Variants in TBC1D31 observed in about 807,000 individuals in gnomAD.
The protein encoded by TBC1D31 is WD repeat domain 67.
A neutral mutation model predicts 132.9 loss-of-function variants in TBC1D31; 99 were observed. The observed-to-expected ratio is 0.74, with a 90% CI of 0.63 to 0.88. The LOEUF (loss-of-function observed/expected upper bound fraction) is 0.88, where lower values mean the gene tolerates loss of function less well. Ranked by LOEUF, TBC1D31 falls within the 40% of genes least tolerant of loss-of-function variation. The pLI is 0.00. For missense variants in TBC1D31, 1,134 were observed against 1,256.6 expected (o/e 0.90, Z 1.48); for synonymous variants, 385 against 419.4 (o/e 0.92, Z 1.00).
At chr8:123,132,259 C>T (rs1445862968) in intron 16 of TBC1D31, among the ~76,000 whole-genome samples, 2 of 152,008 alleles carry the variant, frequency 1.3e-5, no homozygotes, top group Admixed American at 6.6e-5. Flanking sequence ...TTTATCATTC[C>T]AAGTAGACTC....
At position 123,126,556 on chromosome 8, in the gene TBC1D31, A is replaced by G. The variant is rs752813557; in HGVS notation, c.1753A>G (p.Arg585Gly). Residue 585 changes from arginine to glycine, a missense_variant, in exon 13 of 22, where the codon AGA becomes GGA. Coordinates refer to ENST00000287380, the MANE Select transcript of TBC1D31 (RefSeq NM_145647.4). ...AACTGTGTTCTCAGAAGTGCTGACAAGAGAGGAGTGGCTGAAATTGTTCGA... is the reference window on the plus strand; with the variant it reads ...AACTGTGTTCTCAGAAGTGCTGACAGGAGAGGAGTGGCTGAAATTGTTCGA... ...LETVFSEVLT[R>G]EEWLKLFDNI... 5.6e-6 allele frequency: 9 copies of G among 1,614,006 alleles called. No homozygotes were observed. In the Admixed American group the frequency reaches 1.5e-4, roughly 27 times the overall value.
chr8:123,105,090 A>G (rs1817796575), intron 7 of TBC1D31, among the ~76,000 whole-genome samples, 198 bp from the exon 8 acceptor site: 1 of 152,192 alleles, frequency 6.6e-6, no homozygotes, highest in African/African-American at 2.4e-5. Flanking sequence ...TATGTTCTTC[A>G]AAAGGATTCA....
At chr8:123,157,494 A>G in the TBC1D31 span, among the ~76,000 whole-genome samples, 4 of 152,128 alleles carry the variant, frequency 2.6e-5, no homozygotes, top group Non-Finnish European at 5.9e-5. Context: ...CTCACTGGGT[A>G]GCGACGACAC....
Position 123,093,674 on chromosome 8 carries a change from T to A in TBC1D31, c.603T>A (p.Phe201Leu). 1 of 1,611,774 alleles carries A rather than the reference T, an allele frequency of 6.2e-7. No individual in the cohort carries two copies. The highest frequency in any genetic ancestry group is 8.5e-7 in the Non-Finnish European group (1 of 1,178,352). Residue 201 changes from phenylalanine (F) to leucine (L), a missense_variant, in exon 5 of 22, where the codon TTT becomes TTA. Physicochemically the swap from Phe to Leu is conservative, Grantham distance 22. Coordinates refer to ENST00000287380, the MANE Select transcript of TBC1D31 (RefSeq NM_145647.4). The stretch of plus-strand genomic sequence containing the variant: ...TTGCCTGGGAATGTGACACACTTTT[T>A]TGCAAATATCAATTGCCAGCTCCAC... Reference protein sequence around the residue: ...SIFAWECDTLFCKYQLPAPPE... With the variant: ...SIFAWECDTLLCKYQLPAPPE...
At position 123,129,121 on chromosome 8, in the gene TBC1D31, G is replaced by T. The variant is rs764761864; in HGVS notation, c.2173G>T (p.Ala725Ser). 6.2e-7 allele frequency: 1 copy of T among 1,610,144 alleles called. No individual in the cohort carries two copies. Among genetic ancestry groups the T allele is most frequent in the Non-Finnish European group, 8.5e-7 (1 of 1,177,286 alleles). Residue 725 changes from alanine to serine, a missense_variant, in exon 15 of 22, where the codon GCT becomes TCT. Transcript: ENST00000287380. ...KVDQQRVEDE[A>S]WYQKQELLRK... ...CGACCAGCAAAGAGTTGAAGATGAA[G>T]CTTGGTACCAGAAACAGGAGCTGCT...
intron 4 of TBC1D31, among the ~76,000 whole-genome samples, chr8:123,088,047 G>T (rs1411859654): frequency 6.6e-6 from 1 of 152,136 alleles, no homozygotes; most frequent in East Asian, 1.9e-4. Context: ...AGATTAGCTG[G>T]GTGTGGTGGC....
intron 4 of TBC1D31, among the ~76,000 whole-genome samples, chr8:123,092,476 A>G (rs1048332514): frequency 2.6e-5 from 4 of 152,194 alleles, no homozygotes; most frequent in Non-Finnish European, 5.9e-5. Flanking sequence ...ACTATATACT[A>G]ATATAAACAC....
At chr8:123,082,439 C>T (rs1351088899) in intron 2 of TBC1D31, 2 of 362,144 alleles carry the variant, frequency 5.5e-6, no homozygotes, top group Non-Finnish European at 9.9e-6. Context: ...TCCCTCTATC[C>T]ATTTGCCATT....
At position 123,093,584 on chromosome 8, in the gene TBC1D31, T is replaced by C; in HGVS notation, c.520-7T>C. ...TGTGAAAACTAACTTTCTCTATTCC[T>C]CCTTAGGTTTTCTTTCTACCATTAA... On this transcript the variant is annotated splice_polypyrimidine_tract_variant and splice_region_variant and intron_variant, in intron 4 of 21. Transcript: ENST00000287380. The C allele has an allele frequency of 1.9e-6, 3 of 1,594,014 alleles. No individual in the cohort carries two copies. The highest frequency in any genetic ancestry group is 2.6e-6 in the Non-Finnish European group (3 of 1,166,830).
In TBC1D31 at chr8:123,102,583, G is replaced by A; in HGVS notation, c.1032+1576G>A. Reference sequence around the variant, plus strand: ...TATATAGTCACTCCTCATTATTTGTGCATTCTATACATGAGAATTCACCTG... The same window carrying A: ...TATATAGTCACTCCTCATTATTTGTACATTCTATACATGAGAATTCACCTG... On this transcript the variant is annotated intron_variant, in intron 7 of 21. Transcript: ENST00000287380. 3 of 230,644 alleles carry A rather than the reference G, an allele frequency of 1.3e-5. No homozygotes were observed. In the South Asian group the frequency reaches 1.6e-4, roughly 12 times the overall value. 14.3% of individuals were successfully genotyped at this position (230,644 alleles called of 1,614,324 possible).
chr8:123,143,951 C>T (rs552459311), intron 19 of TBC1D31, among the ~76,000 whole-genome samples: 2 of 152,274 alleles, frequency 1.3e-5, no homozygotes, highest in South Asian at 2.1e-4. Flanking sequence ...TAGTGTCTTG[C>T]GTTGTAAAGC....
intron 20 of TBC1D31, among the ~76,000 whole-genome samples, chr8:123,147,164 G>GT (rs1554623973): frequency 0.1 from 14,715 of 143,702 alleles, 773 homozygotes; most frequent in Admixed American, 0.18. Flanking sequence ...ACTTACCCTT[G>GT]TTTTTTTTTT....
At position 123,100,685 on chromosome 8, in the gene TBC1D31, C is replaced by T. The variant is rs1817310941; in HGVS notation, c.832-122C>T. On this transcript the variant is annotated intron_variant, in intron 6 of 21. Transcript: ENST00000287380. ...AAATATATATATTTATACACACATA[C>T]ACACATATACACACACACATACATA... 8.0e-6 allele frequency: 5 copies of T among 624,826 alleles called. No homozygotes were observed. The South Asian group carries it at 9.9e-5, about 12-fold the overall frequency. The allele number at this position is 624,826 out of a possible 1,614,324, so 38.7% of individuals were successfully genotyped here.
chr8:123,123,439 CA>C, intron 11 of TBC1D31: 1 of 160,886 alleles, frequency 6.2e-6, no homozygotes. Flanking sequence ...GCCTTGAAAT[CA>C]AAGGAGAACA....
At chr8:123,137,803 G>C (rs1373628410) in intron 17 of TBC1D31, among the ~76,000 whole-genome samples, 2 of 152,234 alleles carry the variant, frequency 1.3e-5, no homozygotes, top group Non-Finnish European at 2.9e-5. Context: ...ATCAGGCAGA[G>C]TATTCCAGGG....
chr8:123,145,714 C>A (rs1822135580), intron 20 of TBC1D31, among the ~76,000 whole-genome samples: 1 of 148,618 alleles, frequency 6.7e-6, no homozygotes, highest in African/African-American at 2.5e-5. Context: ...AAAAGATTTC[C>A]AAAAATTATA....
chr8:123,088,798 T>G (rs2130031163), intron 4 of TBC1D31, among the ~76,000 whole-genome samples: 1 of 152,318 alleles, frequency 6.6e-6, no homozygotes, highest in Non-Finnish European at 1.5e-5. Flanking sequence ...AGTCTTCTAC[T>G]TTTTTTCTCA....
chr8:123,137,330 CA>C (rs1352291885), intron 17 of TBC1D31, among the ~76,000 whole-genome samples: 4 of 152,186 alleles, frequency 2.6e-5, no homozygotes, highest in Admixed American at 2.0e-4. Flanking sequence ...TTGTCTGTGT[CA>C]GGGGTCCCCA....
At chr8:123,121,395 G>A (rs1479188604) in intron 11 of TBC1D31, among the ~76,000 whole-genome samples, 1 of 152,204 alleles carries the variant, frequency 6.6e-6, no homozygotes, top group Non-Finnish European at 1.5e-5. Context: ...GTTGTCATAT[G>A]GTTTGGATGT....
Sources: gnomAD v4.1 joint callset for allele counts (sites outside exome capture counted in the v4.1 genomes callset) on GRCh38, gnomAD v4.1.1 for gene constraint, MANE v1.5 for transcripts, NCBI Gene and HGNC (gene_info 2026-07-23, HGNC 2026-07-21) for gene names.